The following LZTS1 variants were observed in gnomAD, a reference collection of about 807,000 sequenced individuals.
LZTS1 encodes leucine zipper tumor suppressor 1, also known as leucine zipper putative tumor suppressor 1.
LZTS1 carries 31 observed loss-of-function variants against 45.8 expected under a neutral mutation model. The observed-to-expected ratio is 0.68, with a 90% CI of 0.51 to 0.91. The LOEUF is 0.91. Ranked by LOEUF, LZTS1 falls within the 40% of genes least tolerant of loss-of-function variation. The pLI is 0.00. For synonymous variants in LZTS1, 359 were observed against 357.3 expected (o/e 1.00, Z -0.05); for missense variants, 821 against 788.9 (o/e 1.04, Z -0.49).
chr8:20,301,638 C>T (rs1214038708), intron 1 of LZTS1, among the ~76,000 whole-genome samples: 2 of 152,170 alleles, frequency 1.3e-5, no homozygotes, highest in East Asian at 3.9e-4. Context: ...TTATATACGT[C>T]TGGAGCCCAT....
At chr8:20,295,868 A>G (rs994274750) in intron 1 of LZTS1, among the ~76,000 whole-genome samples, 13 of 151,888 alleles carry the variant, frequency 8.6e-5, no homozygotes, top group African/African-American at 2.7e-4. Flanking sequence ...CCCCCAATCC[A>G]GTGTCACTGG....
At chr8:20,263,400 C>T (rs1365975683) in intron 1 of LZTS1, among the ~76,000 whole-genome samples, 16 of 151,724 alleles carry the variant, frequency 1.1e-4, no homozygotes, top group African/African-American at 2.7e-4. Context: ...TTCAGAAAAA[C>T]GCACCCTCCT....
intron 1 of LZTS1, among the ~76,000 whole-genome samples, chr8:20,270,692 G>C (rs971949506): frequency 6.6e-6 from 1 of 152,080 alleles, no homozygotes; most frequent in African/African-American, 2.4e-5. Flanking sequence ...AGGAGGAAGG[G>C]TGGGGGAAAC....
intron 1 of LZTS1, among the ~76,000 whole-genome samples, chr8:20,293,294 A>T (rs758290111): frequency 1.3e-5 from 2 of 152,100 alleles, no homozygotes; most frequent in Non-Finnish European, 2.9e-5. Flanking sequence ...CCAGCTGAGT[A>T]TGCAAGGTGG....
intron 1 of LZTS1, among the ~76,000 whole-genome samples, chr8:20,286,770 C>T (rs193145482): frequency 3.9e-5 from 6 of 152,268 alleles, no homozygotes; most frequent in African/African-American, 1.4e-4. Flanking sequence ...GGCTGGGGTT[C>T]ATGTGTAGAG....
intron 3 of LZTS1, among the ~76,000 whole-genome samples, chr8:20,251,701 G>A (rs940713054): frequency 3.9e-5 from 6 of 152,320 alleles, no homozygotes; most frequent in Middle Eastern, 6.8e-3. Context: ...TGACAGATGT[G>A]GATTGGGCTC....
chr8:20,276,910 C>T (rs1043287726), intron 1 of LZTS1, among the ~76,000 whole-genome samples: 3 of 152,104 alleles, frequency 2.0e-5, no homozygotes, highest in African/African-American at 4.8e-5. Context: ...AAAGGTGCTC[C>T]CAATACTGGA....
chr8:20,290,139 C>T (rs1242844875), intron 1 of LZTS1: 1 of 152,224 alleles, frequency 6.6e-6, no homozygotes, highest in African/African-American at 2.4e-5. Context: ...CTGCCTTCTC[C>T]ACCGCAGACA....
At chr8:20,269,136 C>A (rs1211053269) in intron 1 of LZTS1, among the ~76,000 whole-genome samples, 1 of 152,190 alleles carries the variant, frequency 6.6e-6, no homozygotes, top group African/African-American at 2.4e-5. Context: ...ATGCAAATTT[C>A]ACCCTGCTGC....
At chr8:20,257,569 G>C (rs1014936998) in intron 1 of LZTS1, among the ~76,000 whole-genome samples, 11 of 152,022 alleles carry the variant, frequency 7.2e-5, no homozygotes, top group African/African-American at 2.4e-4. Flanking sequence ...GACTTGGTGT[G>C]CATTCTAGTT....
chr8:20,258,547 C>G (rs1020644837), intron 1 of LZTS1, among the ~76,000 whole-genome samples: 1 of 152,080 alleles, frequency 6.6e-6, no homozygotes, highest in East Asian at 1.9e-4. Context: ...AACAAAACTT[C>G]GTTGTGTAAG....
Position 20,249,382 on chromosome 8 carries a change from T to G in LZTS1, c.*340A>C. 1 of 257,750 alleles carries G rather than the reference T, an allele frequency of 3.9e-6. No individual in the cohort carries two copies. Among genetic ancestry groups the G allele is most frequent in the South Asian group, 9.0e-5 (1 of 11,108 alleles). The allele number at this position is 257,750 out of a possible 1,614,324, so 16.0% of individuals were successfully genotyped here. Reference sequence around the variant, plus strand: ...AGAAGCAGAGGGGAGCCGCTGTACTTGCTGTGGCCACCTTCCCTGGAGGAG... The same window carrying G: ...AGAAGCAGAGGGGAGCCGCTGTACTGGCTGTGGCCACCTTCCCTGGAGGAG... On this transcript the variant is annotated 3_prime_UTR_variant, in exon 4 of 4. Coordinates refer to ENST00000381569, the MANE Select transcript of LZTS1 (RefSeq NM_021020.5).
At chr8:20,298,990 C>T (rs1333185582) in intron 1 of LZTS1, among the ~76,000 whole-genome samples, 3 of 152,226 alleles carry the variant, frequency 2.0e-5, no homozygotes, top group Non-Finnish European at 4.4e-5. Flanking sequence ...CAGCTATGCT[C>T]GACTGTAGCT....
rs546052904 is a variant in LZTS1, at chr8:20,294,986, T to A, written c.-135+8754A>T. ...TTCCTATTATCTCCCCCAAGCAGAGTGTGGGAGGCAAGGAGCCTGGGTTGG... is the reference window on the plus strand; with the variant it reads ...TTCCTATTATCTCCCCCAAGCAGAGAGTGGGAGGCAAGGAGCCTGGGTTGG... On this transcript the variant is annotated intron_variant, in intron 1 of 3. Coordinates refer to ENST00000381569, the MANE Select transcript of LZTS1 (RefSeq NM_021020.5). 3.2e-4 allele frequency among the ~76,000 whole-genome samples: 48 copies of A among 151,158 alleles called. No individual in the cohort carries two copies. The South Asian group carries it at 9.8e-3, about 31-fold the overall frequency.
chr8:20,288,986 G>A (rs1307693715), intron 1 of LZTS1, among the ~76,000 whole-genome samples: 2 of 58,216 alleles, frequency 3.4e-5, no homozygotes, highest in African/African-American at 1.5e-4. Flanking sequence ...AATAGCAGCT[G>A]GTTTTTTTTT....
chr8:20,302,199 T>C (rs762400941), intron 1 of LZTS1, among the ~76,000 whole-genome samples: 104 of 152,180 alleles, frequency 6.8e-4, no homozygotes, highest in Non-Finnish European at 1.2e-3. Flanking sequence ...ATAAAGGAGA[T>C]AACGTATGAG....
At chr8:20,257,510 G>T (rs1357984336) in intron 1 of LZTS1, among the ~76,000 whole-genome samples, 1 of 152,126 alleles carries the variant, frequency 6.6e-6, no homozygotes, top group Non-Finnish European at 1.5e-5. Context: ...ATTCAAGAGA[G>T]AAAGAAGGAG....
chr8:20,301,241 A>G (rs1801071803), intron 1 of LZTS1, among the ~76,000 whole-genome samples: 1 of 152,162 alleles, frequency 6.6e-6, no homozygotes, highest in South Asian at 2.1e-4. Flanking sequence ...GCAGAATAAC[A>G]TGGACAGAGC....
chr8:20,253,463 C>T lies in LZTS1; in HGVS notation c.468G>A (p.Lys156=). Residue 156 remains lysine, a synonymous_variant, in exon 3 of 4, where the codon AAG becomes AAA. Transcript: ENST00000381569. ...CAGGCTTCAGCTCCTGCTCCTTGGGCTTGTCTGGAGGGGCGGGGTGCAGCT... is the reference window on the plus strand; with the variant it reads ...CAGGCTTCAGCTCCTGCTCCTTGGGTTTGTCTGGAGGGGCGGGGTGCAGCT... ...SHQLHPAPPD[K]PKEQELKPGL... 1 of 1,609,040 alleles carries T rather than the reference C, an allele frequency of 6.2e-7. No homozygotes were observed. Among genetic ancestry groups the T allele is most frequent in the Non-Finnish European group, 8.5e-7 (1 of 1,178,140 alleles).
Sources: gnomAD v4.1 joint callset for allele counts (sites outside exome capture counted in the v4.1 genomes callset) on GRCh38, gnomAD v4.1.1 for gene constraint, MANE v1.5 for transcripts, NCBI Gene and HGNC (gene_info 2026-07-23, HGNC 2026-07-21) for gene names.